The following NFASC variants were observed in gnomAD, a reference collection of about 807,000 sequenced individuals.
The protein encoded by NFASC is neurofascin, also known as neurofascin homolog.
In NFASC, 43 loss-of-function variants were observed where a neutral mutation model predicts 147.5. That is an observed-to-expected ratio of 0.29 (90% CI 0.23 to 0.38). The LOEUF is 0.38. Among genes scored for constraint, NFASC ranks in the 10% least tolerant of loss-of-function variants. The probability of loss-of-function intolerance (pLI) is 1.00; values close to 1 mark genes in which losing one functional copy is unlikely to be tolerated. For missense variants in NFASC, 1,320 were observed against 1,689.0 expected, an observed-to-expected ratio of 0.78 and a Z score of 3.83; for synonymous variants, 622 against 665.5, an observed-to-expected ratio of 0.93 and a Z score of 1.01.
intron 1 of NFASC, among the ~76,000 whole-genome samples, chr1:204,866,132 T>C (rs2077086277): frequency 6.6e-6 from 1 of 152,214 alleles, no homozygotes. Context: ...TGGAGATTGC[T>C]TCTTGCTTCC....
chr1:204,944,047 C>T (rs2093551395), intron 2 of NFASC, among the ~76,000 whole-genome samples, 179 bp from the exon 3 acceptor site: 1 of 152,138 alleles, frequency 6.6e-6, no homozygotes, highest in Non-Finnish European at 1.5e-5. Context: ...GGACAGTTCC[C>T]CAGGCCAAGA....
In NFASC at chr1:204,939,038, A is replaced by ATGTATGTGTGTGTGTG. The variant is rs772779672; in HGVS notation, c.-90-5185_-90-5184insATGTGTGTGTGTGTGT. Among the ~76,000 whole-genome samples the ATGTATGTGTGTGTGTG allele has an allele frequency of 2.7e-3, 332 of 123,736 alleles. 7 individuals carry two copies. The highest frequency in any genetic ancestry group is 4.1e-3 in the Non-Finnish European group (241 of 58,430). The allele number at this position is 123,736 out of a possible 152,430, so 81.2% of individuals were successfully genotyped here. ...TTCTCTTTTCTTCCTGTATGGATGGATGTGTGTGTGTGTGTGTGTGTGTGT... is the reference window on the plus strand; with the variant it reads ...TTCTCTTTTCTTCCTGTATGGATGGATGTATGTGTGTGTGTGTGTGTGTGTGTGTGTGTGTGTGTGT... On this transcript the variant is annotated intron_variant, in intron 2 of 29. Transcript: ENST00000339876.
chr1:204,886,693 T>G (rs999014852), intron 1 of NFASC, among the ~76,000 whole-genome samples: 1 of 152,192 alleles, frequency 6.6e-6, no homozygotes, highest in Non-Finnish European at 1.5e-5. Context: ...CTTGTACAAA[T>G]CAGTAAACTG....
At position 204,925,075 on chromosome 1, in the gene NFASC, G is replaced by C. The variant is rs1038291409; in HGVS notation, c.-91+4335G>C. Among the ~76,000 whole-genome samples, 3 of 152,106 alleles carry C rather than the reference G, an allele frequency of 2.0e-5. No homozygotes were observed. The South Asian group carries it at 6.2e-4, about 31-fold the overall frequency. On this transcript the variant is annotated intron_variant, in intron 2 of 29. Transcript: ENST00000339876. ...TTTTTAATAGAGACAGGGTTTCACT[G>C]TGTTGGCCAGGCTGGTCTTGAACTC...
At chr1:204,898,308 A>G (rs1034854446) in intron 1 of NFASC, among the ~76,000 whole-genome samples, 1 of 152,254 alleles carries the variant, frequency 6.6e-6, no homozygotes, top group Admixed American at 6.5e-5. Context: ...TCTGGCTTAA[A>G]TTTAAAAGAT....
chr1:204,895,578 G>A (rs1245945381), intron 1 of NFASC, among the ~76,000 whole-genome samples: 1 of 152,176 alleles, frequency 6.6e-6, no homozygotes, highest in Non-Finnish European at 1.5e-5. Context: ...ACAACAGTGG[G>A]CAGTCAGGAT....
intron 2 of NFASC, among the ~76,000 whole-genome samples, chr1:204,935,399 T>A (rs2595957): frequency 6.6e-6 from 1 of 152,008 alleles, no homozygotes; most frequent in Non-Finnish European, 1.5e-5. Flanking sequence ...GGGAAAGCTT[T>A]GTCATGAGTG....
intron 1 of NFASC, among the ~76,000 whole-genome samples, chr1:204,830,784 C>T (rs538471277): frequency 4.9e-4 from 74 of 152,316 alleles, no homozygotes; most frequent in African/African-American, 1.5e-3. Flanking sequence ...GGGGCTTAGA[C>T]GAAACCCAGA....
At chr1:204,991,358 G>A in intron 24 of NFASC, 52 bp downstream of exon 24, 1 of 1,595,102 alleles carries the variant, frequency 6.3e-7, no homozygotes, top group East Asian at 2.3e-5. Flanking sequence ...AGCGCAGGCG[G>A]AGCCCAGCCC....
At chr1:204,958,846 G>C (rs1028073995) in intron 8 of NFASC, among the ~76,000 whole-genome samples, 3 of 152,114 alleles carry the variant, frequency 2.0e-5, no homozygotes, top group Admixed American at 2.0e-4. Flanking sequence ...ATGGCTCCCC[G>C]GGTGGGTGTG....
Position 205,022,140 on chromosome 1 carries a change from T to G in NFASC, c.*5601T>G, listed in dbSNP as rs1296890304. 1 of 152,644 alleles carries G rather than the reference T, an allele frequency of 6.6e-6. No homozygotes were observed. Among genetic ancestry groups the G allele is most frequent in the African/African-American group, 2.4e-5 (1 of 41,444 alleles). 9.5% of individuals were successfully genotyped at this position (152,644 alleles called of 1,614,324 possible). ...AACTCTGGGAGAAGATATCCAGAAT[T>G]TTGTACATTACTCTGTTTCTTTTTC... is the stretch of plus-strand genomic sequence containing the variant. On this transcript the variant is annotated 3_prime_UTR_variant, in exon 30 of 30. Coordinates refer to ENST00000339876, the MANE Select transcript of NFASC (RefSeq NM_001005388.3).
chr1:204,944,648 G>A, intron 3 of NFASC: 1 of 495,722 alleles, frequency 2.0e-6, no homozygotes, highest in Non-Finnish European at 3.5e-6. Flanking sequence ...GATGCTTGGG[G>A]TGCCTGGAGC....
intron 10 of NFASC, 117 bp downstream of exon 10, chr1:204,969,099 T>G: frequency 3.4e-6 from 3 of 887,128 alleles, no homozygotes; most frequent in Non-Finnish European, 5.2e-6. Context: ...AGCCCACTGC[T>G]CAGTGGCAAT....
chr1:204,867,996 C>T (rs944731121), intron 1 of NFASC, among the ~76,000 whole-genome samples: 2 of 152,260 alleles, frequency 1.3e-5, no homozygotes, highest in African/African-American at 4.8e-5. Context: ...GATTTCTAAG[C>T]TCCTCTGACA....
At chr1:204,982,415 C>T (rs1003171005) in intron 21 of NFASC, among the ~76,000 whole-genome samples, 4 of 152,316 alleles carry the variant, frequency 2.6e-5, no homozygotes, top group African/African-American at 9.6e-5. Flanking sequence ...CAGGACTACC[C>T]ATCCTAAAGA....
rs58294218 is a variant in NFASC at position 204,830,006 on chromosome 1, GGTGTGTGTGTGTGT to G, written c.-200+1251_-200+1264del. 1.5e-4 allele frequency among the ~76,000 whole-genome samples: 21 copies of G among 144,102 alleles called. 1 individual carries two copies. The South Asian group carries it at 1.6e-3, about 11-fold the overall frequency. The allele number at this position is 144,102 out of a possible 152,430, so 94.5% of individuals were successfully genotyped here. ...CTCCTTCCTTGGCATTTTGGCATGG[GGTGTGTGTGTGTGT>G]GTGTGTGTGTGTGTGTGTGTGTGTG... On this transcript the variant is annotated intron_variant, in intron 1 of 29. Coordinates refer to ENST00000339876, the MANE Select transcript of NFASC (RefSeq NM_001005388.3).
chr1:204,892,405 G>C (rs1465864603), intron 1 of NFASC, among the ~76,000 whole-genome samples: 1 of 152,232 alleles, frequency 6.6e-6, no homozygotes, highest in East Asian at 1.9e-4. Flanking sequence ...GCTGGGCTCT[G>C]TTGGGAGATT....
chr1:204,990,147 C>T (rs11240329), intron 23 of NFASC: 13,931 of 152,372 alleles, frequency 0.091, 810 homozygotes, highest in South Asian at 0.15. Context: ...GCTGACAGCC[C>T]GCTCTGCATC....
chr1:204,851,799 T>G (rs1300380134), intron 1 of NFASC, among the ~76,000 whole-genome samples: 1 of 152,242 alleles, frequency 6.6e-6, no homozygotes, highest in Non-Finnish European at 1.5e-5. Flanking sequence ...GATCTAAAAT[T>G]ACATATTTTA....
Sources: allele counts gnomAD v4.1 joint callset (sites outside exome capture counted in the v4.1 genomes callset), GRCh38; gene constraint gnomAD v4.1.1; transcripts MANE v1.5; gene names NCBI Gene and HGNC (gene_info 2026-07-23, HGNC 2026-07-21).